FIRRM: variants seen among roughly 807,000 people sequenced by gnomAD.
FIRRM encodes the protein FIGNL1 interacting regulator of recombination and mitosis.
At chr1:169,798,890 G>T in the FIRRM span, 1 of 1,258,908 alleles carries the variant, frequency 7.9e-7, no homozygotes, top group South Asian at 1.5e-5. Flanking sequence ...CTATTACTAT[G>T]ATACTAGTAT....
chr1:169,796,419 C>T, the FIRRM span, among the ~76,000 whole-genome samples: 1 of 152,230 alleles, frequency 6.6e-6, no homozygotes, highest in African/African-American at 2.4e-5. Context: ...GCACTTCAAA[C>T]GACATATTCA....
the FIRRM span, among the ~76,000 whole-genome samples, chr1:169,796,415 C>T: frequency 6.6e-6 from 1 of 152,252 alleles, no homozygotes; most frequent in African/African-American, 2.4e-5. Context: ...CTTTGCACTT[C>T]AAACGACATA....
chr1:169,814,724 G>T, the FIRRM span, among the ~76,000 whole-genome samples: 21 of 152,280 alleles, frequency 1.4e-4, no homozygotes, highest in East Asian at 3.7e-3. Context: ...CTTGTAAATA[G>T]ACAGTGTTAA....
chr1:169,829,272 A>T, the FIRRM span: 4 of 1,577,646 alleles, frequency 2.5e-6, no homozygotes, highest in East Asian at 2.3e-5. Context: ...GGATATCTCT[A>T]CTCAAAGCCG....
At chr1:169,840,788 G>A in the FIRRM span, among the ~76,000 whole-genome samples, 1 of 152,136 alleles carries the variant, frequency 6.6e-6, no homozygotes, top group Non-Finnish European at 1.5e-5. Flanking sequence ...GGGATTACAG[G>A]CATGAGCCAC....
the FIRRM span, among the ~76,000 whole-genome samples, chr1:169,820,150 A>G: frequency 6.6e-6 from 1 of 152,226 alleles, no homozygotes; most frequent in Non-Finnish European, 1.5e-5. Context: ...GCAAGATGAA[A>G]GAGTGGACAG....
At chr1:169,849,638 C>G in the FIRRM span, 1 of 1,470,772 alleles carries the variant, frequency 6.8e-7, no homozygotes, top group Non-Finnish European at 9.5e-7. Context: ...CAGTGACTTT[C>G]AAACCATTTT....
chr1:169,815,309 A>AG, the FIRRM span, among the ~76,000 whole-genome samples: 2 of 151,632 alleles, frequency 1.3e-5, no homozygotes, highest in East Asian at 3.9e-4. Context: ...AAAAAAAAAA[A>AG]GAAAAGAATA....
chr1:169,842,782 G>A, the FIRRM span, among the ~76,000 whole-genome samples: 1 of 152,040 alleles, frequency 6.6e-6, no homozygotes, highest in Non-Finnish European at 1.5e-5. Context: ...TTTCCTAACT[G>A]GTTATACCCT....
the FIRRM span, chr1:169,799,002 G>C: frequency 2.3e-4 from 184 of 811,374 alleles, no homozygotes; most frequent in African/African-American, 2.3e-3. Context: ...TTGATGTTAA[G>C]GTCCGAGTCC....
the FIRRM span, among the ~76,000 whole-genome samples, chr1:169,787,744 T>C: frequency 6.6e-6 from 1 of 152,242 alleles, no homozygotes; most frequent in African/African-American, 2.4e-5. Flanking sequence ...TAAAACTTTA[T>C]TCCATTTTGC....
the FIRRM span, chr1:169,823,309 C>A: frequency 6.7e-6 from 4 of 597,972 alleles, no homozygotes; most frequent in Non-Finnish European, 1.1e-5. Context: ...AAAGGGGTCA[C>A]ATTCAGGATT....
the FIRRM span, chr1:169,843,745 T>C: frequency 6.2e-7 from 1 of 1,607,438 alleles, no homozygotes; most frequent in South Asian, 1.1e-5. Context: ...TCATTCAAAC[T>C]CTAGATCCTA....
chr1:169,793,424 T>C, the FIRRM span: 1 of 1,614,208 alleles, frequency 6.2e-7, no homozygotes, highest in South Asian at 1.1e-5. Context: ...CTGTTTTCCA[T>C]GTGGCTCCAA....
At chr1:169,832,385 GTC>G in the FIRRM span, 48 of 1,467,666 alleles carry the variant, frequency 3.3e-5, 1 homozygote, top group Admixed American at 5.4e-4. Flanking sequence ...AAATTAGTCA[GTC>G]TCTCCTCTCT....
the FIRRM span, among the ~76,000 whole-genome samples, chr1:169,807,257 C>T: frequency 6.6e-6 from 1 of 152,182 alleles, no homozygotes; most frequent in African/African-American, 2.4e-5. Context: ...GTGTACCTTG[C>T]TAACTCCTGC....
chr1:169,852,971 T>C, the FIRRM span: 1 of 1,614,006 alleles, frequency 6.2e-7, no homozygotes. Flanking sequence ...AAACGTTACA[T>C]ACATACTCTA....
the FIRRM span, chr1:169,793,082 G>A: frequency 6.2e-7 from 1 of 1,614,098 alleles, no homozygotes; most frequent in Middle Eastern, 1.6e-4. Flanking sequence ...TCCCTTGAAT[G>A]CAGTTATACC....
At chr1:169,791,036 G>A in the FIRRM span, among the ~76,000 whole-genome samples, 3 of 152,208 alleles carry the variant, frequency 2.0e-5, no homozygotes, top group Non-Finnish European at 4.4e-5. Flanking sequence ...TCACAATAGG[G>A]TGTGCACTCC....
Sources: allele counts gnomAD v4.1 joint callset (sites outside exome capture counted in the v4.1 genomes callset), GRCh38; gene constraint gnomAD v4.1.1; transcripts MANE v1.5; gene names NCBI Gene and HGNC (gene_info 2026-07-23, HGNC 2026-07-21).